COMMD10: variants seen among roughly 807,000 people sequenced by gnomAD.
The protein encoded by COMMD10 is COMM domain-containing protein 10.
A neutral mutation model predicts 28.9 loss-of-function variants in COMMD10; 33 were observed. The observed-to-expected ratio is 1.14, with a 90% CI of 0.87 to 1.53. The LOEUF (loss-of-function observed/expected upper bound fraction) is 1.53. Among genes scored for constraint, COMMD10 ranks in the 40% most tolerant of loss-of-function variants. COMMD10 has a pLI of 0.00. For synonymous variants in COMMD10, 110 were observed against 81.7 expected, an observed-to-expected ratio of 1.35 and a Z score of -1.87; for missense variants, 310 against 233.4, an observed-to-expected ratio of 1.33 and a Z score of -2.14.
At chr5:116,108,619 C>T (rs1750925936) in intron 4 of COMMD10, among the ~76,000 whole-genome samples, 1 of 152,230 alleles carries the variant, frequency 6.6e-6, no homozygotes, top group South Asian at 2.1e-4. Flanking sequence ...TCTTAGCTTG[C>T]TGTACTCTGG....
chr5:116,204,936 C>G (rs1306620295), intron 5 of COMMD10, among the ~76,000 whole-genome samples: 2 of 152,094 alleles, frequency 1.3e-5, no homozygotes, highest in East Asian at 1.9e-4. Flanking sequence ...TCTGATCACT[C>G]TCTACCTCCC....
intron 5 of COMMD10, among the ~76,000 whole-genome samples, chr5:116,265,152 C>G (rs1319528187): frequency 1.3e-5 from 2 of 151,720 alleles, no homozygotes; most frequent in African/African-American, 4.9e-5. Context: ...CTAAAGAGAG[C>G]TAGAAATTGC....
chr5:116,196,267 G>A (rs190305315), intron 5 of COMMD10, among the ~76,000 whole-genome samples: 6 of 152,234 alleles, frequency 3.9e-5, no homozygotes, highest in South Asian at 2.1e-4. Context: ...ACCATTGTGC[G>A]TTCTCACTGT....
intron 5 of COMMD10, among the ~76,000 whole-genome samples, chr5:116,162,703 A>G (rs774734092): frequency 2.0e-5 from 3 of 152,174 alleles, no homozygotes; most frequent in Non-Finnish European, 4.4e-5. Context: ...TTCTATCCAG[A>G]GGGACAGTTT....
At chr5:116,242,957 T>G (rs1234155475) in intron 5 of COMMD10, among the ~76,000 whole-genome samples, 1 of 152,176 alleles carries the variant, frequency 6.6e-6, no homozygotes, top group Non-Finnish European at 1.5e-5. Flanking sequence ...TGGGGAAACA[T>G]TAATGAAAGT....
intron 4 of COMMD10, among the ~76,000 whole-genome samples, chr5:116,111,383 A>G (rs1186054630): frequency 6.7e-6 from 1 of 150,054 alleles, no homozygotes; most frequent in Non-Finnish European, 1.5e-5. Context: ...CAATCTTTCT[A>G]CTTTTTTGAT....
At chr5:116,153,325 G>T (rs1752598936) in intron 5 of COMMD10, among the ~76,000 whole-genome samples, 1 of 151,946 alleles carries the variant, frequency 6.6e-6, no homozygotes, top group Non-Finnish European at 1.5e-5. Flanking sequence ...AGGCTGAGGG[G>T]GCATCTGATT....
At chr5:116,110,313 G>A (rs545557693) in intron 4 of COMMD10, among the ~76,000 whole-genome samples, 1 of 152,124 alleles carries the variant, frequency 6.6e-6, no homozygotes, top group Non-Finnish European at 1.5e-5. Flanking sequence ...GTTCATCAGG[G>A]TATTGGTCTT....
chr5:116,132,474 A>G (rs913624087), intron 4 of COMMD10, among the ~76,000 whole-genome samples: 11 of 152,182 alleles, frequency 7.2e-5, no homozygotes, highest in Admixed American at 1.3e-4. Context: ...GTGCCTAAGC[A>G]TACATTAGTT....
intron 4 of COMMD10, among the ~76,000 whole-genome samples, chr5:116,115,473 C>T (rs1751201992): frequency 6.6e-6 from 1 of 152,126 alleles, no homozygotes; most frequent in Non-Finnish European, 1.5e-5. Flanking sequence ...TTTATCTTAA[C>T]CTCTTTGGAG....
chr5:116,289,699 G>A (rs76414143), intron 5 of COMMD10, among the ~76,000 whole-genome samples: 16,151 of 151,802 alleles, frequency 0.11, 1,091 homozygotes, highest in African/African-American at 0.15. Flanking sequence ...TGGTTGCTCC[G>A]CTATTCCACA....
At chr5:116,189,579 C>T (rs1405501458) in intron 5 of COMMD10, among the ~76,000 whole-genome samples, 1 of 152,148 alleles carries the variant, frequency 6.6e-6, no homozygotes, top group Non-Finnish European at 1.5e-5. Context: ...TTCTTTGTGA[C>T]CAAGAACTGG....
intron 5 of COMMD10, among the ~76,000 whole-genome samples, chr5:116,273,440 G>T (rs1411294514): frequency 6.6e-6 from 1 of 151,676 alleles, no homozygotes; most frequent in Non-Finnish European, 1.5e-5. Flanking sequence ...CGAAAGCTTT[G>T]TATATGTTCC....
chr5:116,229,058 A>G (rs960170683), intron 5 of COMMD10, among the ~76,000 whole-genome samples: 2 of 152,056 alleles, frequency 1.3e-5, no homozygotes, highest in Admixed American at 1.3e-4. Context: ...AAAGATGCTG[A>G]TTCGTCTTTA....
chr5:116,123,419 C>T (rs901229965), intron 4 of COMMD10, among the ~76,000 whole-genome samples: 5 of 152,040 alleles, frequency 3.3e-5, no homozygotes, highest in African/African-American at 9.7e-5. Flanking sequence ...GGGATGAAGC[C>T]GACTTGATTG....
intron 5 of COMMD10, among the ~76,000 whole-genome samples, chr5:116,154,922 C>G (rs1347733764): frequency 6.6e-6 from 1 of 152,004 alleles, no homozygotes; most frequent in Non-Finnish European, 1.5e-5. Flanking sequence ...TGGGAAAGTA[C>G]CACATTGGAT....
chr5:116,124,869 C>G (rs1033953350), intron 4 of COMMD10, among the ~76,000 whole-genome samples: 2 of 152,104 alleles, frequency 1.3e-5, no homozygotes, highest in African/African-American at 4.8e-5. Context: ...TCTGTTTTAT[C>G]AGAGACTAGG....
chr5:116,212,632 A>G (rs892080783), intron 5 of COMMD10, among the ~76,000 whole-genome samples: 8 of 151,986 alleles, frequency 5.3e-5, no homozygotes, highest in African/African-American at 1.9e-4. Context: ...TAAGCTGTAT[A>G]CTATTTAATG....
intron 5 of COMMD10, among the ~76,000 whole-genome samples, chr5:116,148,560 A>G (rs919738671): frequency 2.6e-5 from 4 of 151,914 alleles, no homozygotes; most frequent in African/African-American, 7.2e-5. Context: ...TTGTCTAGGT[A>G]CAACTTCATT....
Sources: allele counts gnomAD v4.1 joint callset (sites outside exome capture counted in the v4.1 genomes callset), GRCh38; gene constraint gnomAD v4.1.1; transcripts MANE v1.5; gene names NCBI Gene and HGNC (gene_info 2026-07-23, HGNC 2026-07-21).